MDGA2: variants seen among roughly 807,000 people sequenced by gnomAD.
The protein encoded by MDGA2 is MAM domain-containing glycosylphosphatidylinositol anchor protein 2.
Under a neutral mutation model 117.8 loss-of-function variants are expected in MDGA2, and 40 were observed. The observed-to-expected ratio is 0.34, with a 90% confidence interval of 0.26 to 0.44. The LOEUF (loss-of-function observed/expected upper bound fraction) is 0.44, where lower values mean the gene tolerates loss of function less well. MDGA2 is among the 20% of genes least tolerant of loss of function. The pLI is 1.00. For missense variants in MDGA2, 1,123 were observed against 1,250.6 expected (o/e 0.90, Z 1.54); for synonymous variants, 452 against 439.0 (o/e 1.03, Z -0.37).
At chr14:47,177,381 G>A (rs1434639688) in intron 3 of MDGA2, among the ~76,000 whole-genome samples, 1 of 152,094 alleles carries the variant, frequency 6.6e-6, no homozygotes, top group African/African-American at 2.4e-5. Context: ...ATTCACAATA[G>A]CAAAGACTTG....
At chr14:47,029,048 T>C (rs1451312436) in intron 8 of MDGA2, among the ~76,000 whole-genome samples, 1 of 152,144 alleles carries the variant, frequency 6.6e-6, no homozygotes, top group African/African-American at 2.4e-5. Context: ...CTCAGTACAC[T>C]AATTCTATCT....
Position 47,179,001 on chromosome 14 carries a change from A to G in MDGA2, c.596-34727T>C, listed in dbSNP as rs185067136. 5.8e-3 allele frequency among the ~76,000 whole-genome samples: 889 copies of G among 152,158 alleles called. 8 individuals are homozygous for G. The highest frequency in any genetic ancestry group is 0.02 in the African/African-American group (850 of 41,532). On this transcript the variant is annotated intron_variant, in intron 3 of 16. Transcript: ENST00000399232. ...TATGGGAGTACTGGTCTTAAAAGCA[A>G]TGAAGATCCACCAGGGACTTTGGTA...
intron 2 of MDGA2, among the ~76,000 whole-genome samples, chr14:47,237,281 A>AAC (rs1263357760): frequency 6.6e-6 from 1 of 152,178 alleles, no homozygotes; most frequent in Admixed American, 6.5e-5. Flanking sequence ...CAAATTGGAG[A>AAC]ACTCTAACTT....
intron 1 of MDGA2, among the ~76,000 whole-genome samples, chr14:47,526,784 T>A (rs1894981536): frequency 6.6e-6 from 1 of 152,162 alleles, no homozygotes; most frequent in African/African-American, 2.4e-5. Flanking sequence ...CCAGCAAGTC[T>A]GTTGTAAGCG....
intron 1 of MDGA2, among the ~76,000 whole-genome samples, chr14:47,583,015 T>C (rs1896257496): frequency 6.6e-6 from 1 of 151,848 alleles, no homozygotes; most frequent in Non-Finnish European, 1.5e-5. Flanking sequence ...CTTAAGATAT[T>C]TCTTCTAAAG....
At chr14:46,863,469 G>A (rs1246699289) in intron 14 of MDGA2, among the ~76,000 whole-genome samples, 1 of 152,120 alleles carries the variant, frequency 6.6e-6, no homozygotes, top group Non-Finnish European at 1.5e-5. Flanking sequence ...ACAGAAATGA[G>A]TGAATTCAAA....
chr14:47,666,972 G>A (rs1489496324), intron 1 of MDGA2, among the ~76,000 whole-genome samples: 1 of 151,988 alleles, frequency 6.6e-6, no homozygotes, highest in Non-Finnish European at 1.5e-5. Flanking sequence ...AAACCCACTA[G>A]AAGGAAAAAA....
At chr14:47,298,093 A>G (rs761026568) in intron 2 of MDGA2, among the ~76,000 whole-genome samples, 1 of 152,198 alleles carries the variant, frequency 6.6e-6, no homozygotes, top group Non-Finnish European at 1.5e-5. Context: ...ATTCTATGAT[A>G]TAAGATAGTT....
chr14:47,620,767 T>G (rs1218971231), intron 1 of MDGA2, among the ~76,000 whole-genome samples: 1 of 152,180 alleles, frequency 6.6e-6, no homozygotes, highest in Non-Finnish European at 1.5e-5. Flanking sequence ...TTCAGTCTTT[T>G]GGAATAGCAA....
Position 47,170,150 on chromosome 14 carries a change from T to G in MDGA2, c.596-25876A>C, listed in dbSNP as rs556615971. On this transcript the variant is annotated intron_variant, in intron 3 of 16. Transcript: ENST00000399232. ...AGTTCATGCCCTTTAATCCCAGGGG[T>G]TGGCACCTTGCCTTTGGCTTCTAGT... Among the ~76,000 whole-genome samples the G allele has an allele frequency of 2.8e-3, 425 of 152,240 alleles. 2 individuals are homozygous for G. Among genetic ancestry groups the G allele is most frequent in the Non-Finnish European group, 4.2e-3 (283 of 67,982 alleles).
chr14:47,079,714 C>G (rs1008622230), intron 6 of MDGA2, among the ~76,000 whole-genome samples: 2 of 128,296 alleles, frequency 1.6e-5, no homozygotes, highest in Admixed American at 7.7e-5. Context: ...TTGTTTCAGC[C>G]GATTTTCTAC....
At chr14:46,879,038 T>A (rs972337311) in intron 11 of MDGA2, among the ~76,000 whole-genome samples, 15 of 152,136 alleles carry the variant, frequency 9.9e-5, no homozygotes, top group African/African-American at 3.6e-4. Flanking sequence ...ATAATTTTTT[T>A]ATAAATGCAT....
At chr14:47,200,620 A>G (rs1265124705) in intron 3 of MDGA2, 1 of 1,287,638 alleles carries the variant, frequency 7.8e-7, no homozygotes, top group Non-Finnish European at 1.1e-6. Flanking sequence ...TATATTTGTC[A>G]ATTTTCTTCT....
At chr14:47,536,727 C>T (rs1363059928) in intron 1 of MDGA2, among the ~76,000 whole-genome samples, 2 of 152,202 alleles carry the variant, frequency 1.3e-5, no homozygotes, top group African/African-American at 2.4e-5. Context: ...CTACTACTAA[C>T]TTCTATGAAT....
intron 11 of MDGA2, among the ~76,000 whole-genome samples, chr14:46,879,676 A>G (rs1185731570): frequency 2.6e-5 from 4 of 152,158 alleles, no homozygotes; most frequent in Non-Finnish European, 4.4e-5. Context: ...TTAGCAAAGA[A>G]GTAAAGATCT....
At chr14:47,196,735 G>A (rs1885300758) in intron 3 of MDGA2, among the ~76,000 whole-genome samples, 1 of 152,176 alleles carries the variant, frequency 6.6e-6, no homozygotes, top group South Asian at 2.1e-4. Context: ...ATGTGTTGCT[G>A]AGGCTTGGTA....
chr14:46,844,686 G>A (rs1647727677), intron 16 of MDGA2, among the ~76,000 whole-genome samples: 1 of 152,132 alleles, frequency 6.6e-6, no homozygotes, highest in African/African-American at 2.4e-5. Context: ...CCTCACACAA[G>A]TCTCATCTTG....
intron 1 of MDGA2, among the ~76,000 whole-genome samples, chr14:47,506,046 A>G (rs1448401930): frequency 6.6e-6 from 1 of 152,186 alleles, no homozygotes; most frequent in African/African-American, 2.4e-5. Context: ...CTACTAAAAT[A>G]CAGAGTTACT....
chr14:46,982,822 G>A (rs1027998671), intron 8 of MDGA2, among the ~76,000 whole-genome samples: 6 of 151,212 alleles, frequency 4.0e-5, no homozygotes, highest in African/African-American at 7.3e-5. Context: ...TGATTGCCCT[G>A]GCCAGAACTT....
Sources: gnomAD v4.1 joint callset for allele counts (sites outside exome capture counted in the v4.1 genomes callset) on GRCh38, gnomAD v4.1.1 for gene constraint, MANE v1.5 for transcripts, NCBI Gene and HGNC (gene_info 2026-07-23, HGNC 2026-07-21) for gene names.